Variants in ZSCAN12 observed in about 807,000 individuals in gnomAD.
ZSCAN12 encodes zinc finger and SCAN domain containing 12.
Under a neutral mutation model 23.4 loss-of-function variants are expected in ZSCAN12, and 18 were observed. The ratio of observed to expected loss-of-function variants is 0.77; its 90% CI spans 0.53 to 1.14. The LOEUF (loss-of-function observed/expected upper bound fraction) is 1.14, where lower values mean the gene tolerates loss of function less well. Ranked by LOEUF, ZSCAN12 falls within the 50% of genes most tolerant of loss-of-function variation. ZSCAN12 has a pLI of 0.00. For missense variants in ZSCAN12, 650 were observed against 735.0 expected (o/e 0.88, Z 1.34); for synonymous variants, 186 against 253.4 (o/e 0.73, Z 2.53).
At chr6:28,399,094 TAATAAC>T (rs1761285982) in intron 1 of ZSCAN12, among the ~76,000 whole-genome samples, 1 of 152,198 alleles carries the variant, frequency 6.6e-6, no homozygotes. Flanking sequence ...AAGTAAATAA[TAATAAC>T]AAAAGGTTAG....
At chr6:28,382,102 G>A (rs573076409), downstream of ZSCAN12, 16 of 159,368 alleles carry the variant, frequency 1.0e-4, no homozygotes, top group East Asian at 2.9e-3. Context: ...CTTTCCCATC[G>A]GTGGTTTGTC....
In ZSCAN12 at chr6:28,398,226, G is replaced by A. The variant is rs1202487364; in HGVS notation, c.180C>T (p.Pro60=). 1 of 1,614,100 alleles carries A rather than the reference G, an allele frequency of 6.2e-7. No homozygotes were observed. Among genetic ancestry groups the A allele is most frequent in the East Asian group, 2.2e-5 (1 of 44,866 alleles). ...RQFCYQETSG[P]REALSRLREL... ...CTCGGAGTCGGCTCAAAGCCTCACG[G>A]GGACCAGATGTCTCCTGGTAGCAGA... The change falls in exon 2 of 4, where the codon CCC becomes CCT. Residue 60 remains proline, a synonymous_variant. Transcript: ENST00000684592.
In ZSCAN12 at chr6:28,390,450, G is replaced by GTCAT. The variant is rs1341743819; in HGVS notation, c.1836_*3dup. ...AACTCTGTGAGATAACTTCCCTGTA[G>GTCAT]TCATCACACAGAAACAGATTTTTCT... is the stretch of plus-strand genomic sequence containing the variant. On this transcript the variant is annotated 3_prime_UTR_variant, in exon 4 of 4. Coordinates refer to ENST00000684592, the MANE Select transcript of ZSCAN12 (RefSeq NM_001163391.2). 1 of 1,529,592 alleles carries GTCAT rather than the reference G, an allele frequency of 6.5e-7. No homozygotes were observed. Among genetic ancestry groups the GTCAT allele is most frequent in the Admixed American group, 2.0e-5 (1 of 49,370 alleles). The allele number at this position is 1,529,592 out of a possible 1,614,324, so 94.8% of individuals were successfully genotyped here.
downstream of ZSCAN12, chr6:28,382,668 G>T: frequency 3.9e-6 from 6 of 1,533,328 alleles, no homozygotes; most frequent in Non-Finnish European, 5.3e-6. Flanking sequence ...CTTTAGCCAA[G>T]AACTCACTTA....
rs947231014 is a variant in ZSCAN12 at position 28,388,732 on chromosome 6, G to C, written c.*1722C>G. Among the ~76,000 whole-genome samples, 10 of 152,316 alleles carry C rather than the reference G, an allele frequency of 6.6e-5. No individual in the cohort carries two copies. The highest frequency in any genetic ancestry group is 2.4e-4 in the African/African-American group (10 of 41,572). Reference sequence around the variant, plus strand: ...CCACTTCAAACCCACTAACCAGCTAGAAGTGTGAAGAGAAGAGAGGACTGG... The same window carrying C: ...CCACTTCAAACCCACTAACCAGCTACAAGTGTGAAGAGAAGAGAGGACTGG... On this transcript the variant is annotated 3_prime_UTR_variant, in exon 4 of 4. Coordinates refer to ENST00000684592, the MANE Select transcript of ZSCAN12 (RefSeq NM_001163391.2).
At chr6:28,392,555 A>T (rs1760900402) in intron 3 of ZSCAN12, among the ~76,000 whole-genome samples, 1 of 152,182 alleles carries the variant, frequency 6.6e-6, no homozygotes, top group Non-Finnish European at 1.5e-5. Context: ...ATAATGGAGC[A>T]AAGGCTTATT....
downstream of ZSCAN12, among the ~76,000 whole-genome samples, chr6:28,384,074 A>G (rs1760427999): frequency 6.6e-6 from 1 of 152,214 alleles, no homozygotes; most frequent in Admixed American, 6.5e-5. Flanking sequence ...TCCCTTGCCC[A>G]AAGTCACTTA....
Position 28,391,671 on chromosome 6 carries a change from C to T in ZSCAN12, c.619G>A (p.Gly207Arg). Reference sequence around the variant, plus strand: ...TTTTCAAATTTACTGGATGTCTTCCCATGTGGTTCCATTTCTTCAGAAACT... The same window carrying T: ...TTTTCAAATTTACTGGATGTCTTCCTATGTGGTTCCATTTCTTCAGAAACT... ...QEVSEEMEPHGKTSSKFENDM... is the reference protein window; with the variant it reads ...QEVSEEMEPHRKTSSKFENDM... Residue 207 changes from glycine to arginine, a missense_variant, in exon 4 of 4, where the codon GGG becomes AGG. Transcript: ENST00000684592. The surrounding 1 kb of genome is among the most constrained non-coding windows in gnomAD (Gnocchi z 4.1). 6.5e-7 allele frequency: 1 copy of T among 1,549,780 alleles called. No individual in the cohort carries two copies. The highest frequency in any genetic ancestry group is 8.7e-7 in the Non-Finnish European group (1 of 1,146,786).
At chr6:28,383,437 CTG>C (rs1369380982), downstream of ZSCAN12, among the ~76,000 whole-genome samples, 1 of 152,176 alleles carries the variant, frequency 6.6e-6, no homozygotes, top group African/African-American at 2.4e-5. Context: ...CCGTCAACGG[CTG>C]TCTCAGCATT....
rs1231752418 is a variant in ZSCAN12, at chr6:28,386,931, G to A, written c.*3523C>T. ...CAACCTCCACCTCCCGGATTCAAGC[G>A]ATTCTCCTGCCTCAGCCTCTCGAGT... On this transcript the variant is annotated 3_prime_UTR_variant, in exon 4 of 4. Transcript: ENST00000684592. Among the ~76,000 whole-genome samples, 23 of 152,250 alleles carry A rather than the reference G, an allele frequency of 1.5e-4. No homozygotes were observed. The highest frequency in any genetic ancestry group is 5.3e-4 in the African/African-American group (22 of 41,540).
rs1282173214 is a variant in ZSCAN12 at position 28,387,139 on chromosome 6, T to C, written c.*3315A>G. Among the ~76,000 whole-genome samples the C allele has an allele frequency of 6.6e-6, 1 of 152,224 alleles. No homozygotes were observed. Among genetic ancestry groups the C allele is most frequent in the Non-Finnish European group, 1.5e-5 (1 of 68,032 alleles). ...TGCACCCAGCCTCCACATTTATTTT[T>C]AAACAAGTATGAACTGTACCCTCCT... On this transcript the variant is annotated 3_prime_UTR_variant, in exon 4 of 4. Transcript: ENST00000684592.
In ZSCAN12 at chr6:28,385,269, G is replaced by T. The variant is rs1213672917; in HGVS notation, c.*5185C>A. ...CAGAGTGATTTATCATTCTAAGAAG[G>T]GTGATCTTTTCATATAAAGAGCCCA... is the stretch of plus-strand genomic sequence containing the variant. On this transcript the variant is annotated 3_prime_UTR_variant, in exon 4 of 4. Transcript: ENST00000684592. Among the ~76,000 whole-genome samples, 2 of 152,004 alleles carry T rather than the reference G, an allele frequency of 1.3e-5. No homozygotes were observed. Among genetic ancestry groups the T allele is most frequent in the African/African-American group, 2.4e-5 (1 of 41,350 alleles).
rs773491191 is a variant in ZSCAN12, at chr6:28,398,060, C to T, written c.346G>A (p.Glu116Lys). The T allele has an allele frequency of 1.2e-6, 2 of 1,613,236 alleles. No homozygotes were observed. The highest frequency in any genetic ancestry group is 1.7e-6 in the Non-Finnish European group (2 of 1,179,458). The change falls in exon 2 of 4, where the codon GAG becomes AAG. Residue 116 changes from glutamate (E) to lysine (K), a missense_variant. Coordinates refer to ENST00000684592, the MANE Select transcript of ZSCAN12 (RefSeq NM_001163391.2). ...VQEQHPESGE[E>K]VVTVLEDLER... is the part of the protein sequence containing the mutation. ...AAATCCTCCAGCACAGTCACCACCT[C>T]CTCCCCACTCTCTGGATGCTGCTCC...
rs753105842 is a variant in ZSCAN12 at position 28,390,426 on chromosome 6, A to T, written c.*28T>A. 8.8e-6 allele frequency: 13 copies of T among 1,483,916 alleles called. No homozygotes were observed. Among genetic ancestry groups the T allele is most frequent in the Non-Finnish European group, 1.1e-5 (12 of 1,111,418 alleles). The allele number at this position is 1,483,916 out of a possible 1,614,324, so 91.9% of individuals were successfully genotyped here. A position where few individuals can be genotyped will look rare whatever the true frequency, so the allele number is the denominator to read the frequency against. On this transcript the variant is annotated 3_prime_UTR_variant, in exon 4 of 4. Coordinates refer to ENST00000684592, the MANE Select transcript of ZSCAN12 (RefSeq NM_001163391.2). ...TAAATAGTATTTCTCACCGGCCTGAACTCTGTGAGATAACTTCCCTGTAGT... is the reference window on the plus strand; with the variant it reads ...TAAATAGTATTTCTCACCGGCCTGATCTCTGTGAGATAACTTCCCTGTAGT...
chr6:28,398,117 T>A lies in ZSCAN12; in HGVS notation c.289A>T (p.Ile97Phe), dbSNP rs761416567. The change falls in exon 2 of 4, where the codon ATC becomes TTC. Residue 97 changes from isoleucine to phenylalanine, a missense_variant. Physicochemically the swap from Ile to Phe is conservative, Grantham distance 21 (BLOSUM62 0). Transcript: ENST00000684592. The stretch of plus-strand genomic sequence containing the variant: ...CAGGCCTGGAGCTCCTCAGGTAGGA[T>A]GGTCAGGAACTGCTCCAGCACCAGC... ...ELLVLEQFLT[I>F]LPEELQAWVQ... The A allele has an allele frequency of 6.2e-7, 1 of 1,614,124 alleles. No individual in the cohort carries two copies. The highest frequency in any genetic ancestry group is 1.1e-5 in the South Asian group (1 of 91,088).
At position 28,389,891 on chromosome 6, in the gene ZSCAN12, G is replaced by A. The variant is rs1399755011; in HGVS notation, c.*563C>T. Among the ~76,000 whole-genome samples the A allele has an allele frequency of 6.6e-6, 1 of 152,196 alleles. No individual in the cohort carries two copies. Among genetic ancestry groups the A allele is most frequent in the East Asian group, 1.9e-4 (1 of 5,200 alleles). ...ATTATTCACACTCTGGCCCTCTTATGTGTCTGTCCCCAAGCTGTTTCCAAC... is the reference window on the plus strand; with the variant it reads ...ATTATTCACACTCTGGCCCTCTTATATGTCTGTCCCCAAGCTGTTTCCAAC... On this transcript the variant is annotated 3_prime_UTR_variant, in exon 4 of 4. Coordinates refer to ENST00000684592, the MANE Select transcript of ZSCAN12 (RefSeq NM_001163391.2).
rs550050082 is a variant in ZSCAN12 at position 28,387,221 on chromosome 6, G to T, written c.*3233C>A. Among the ~76,000 whole-genome samples the T allele has an allele frequency of 9.7e-4, 147 of 152,118 alleles. No individual in the cohort carries two copies. Among genetic ancestry groups the T allele is most frequent in the Admixed American group, 2.5e-3 (38 of 15,276 alleles). ...TGTTTATGGTCCCTTTATAATATTA[G>T]GTATATAAGAAAGATTAAGTAGTGT... On this transcript the variant is annotated 3_prime_UTR_variant, in exon 4 of 4. Coordinates refer to ENST00000684592, the MANE Select transcript of ZSCAN12 (RefSeq NM_001163391.2).
At chr6:28,397,496 T>C (rs886681327) in intron 2 of ZSCAN12, among the ~76,000 whole-genome samples, 2 of 152,166 alleles carry the variant, frequency 1.3e-5, no homozygotes, top group African/African-American at 4.8e-5. Flanking sequence ...CCAACCTAAC[T>C]GGGCTTTCTG....
chr6:28,382,528 G>GTCTC, downstream of ZSCAN12: 1 of 1,551,950 alleles, frequency 6.4e-7, no homozygotes, highest in Non-Finnish European at 8.7e-7. Context: ...ATTCTGGAAT[G>GTCTC]AGAGAGCTCA....
Sources: gnomAD v4.1 joint callset for allele counts (sites outside exome capture counted in the v4.1 genomes callset) on GRCh38, gnomAD v4.1.1 for gene constraint, Gnocchi (gnomAD v3.1) non-coding constraint, MANE v1.5 for transcripts, NCBI Gene and HGNC (gene_info 2026-07-23, HGNC 2026-07-21) for gene names.